The following ADH1B variants were observed in gnomAD, a reference collection of about 807,000 sequenced individuals.
ADH1B encodes the protein alcohol dehydrogenase 1B (class I), beta polypeptide, also known as all-trans-retinol dehydrogenase [NAD(+)] ADH1B.
Under a neutral mutation model 34.6 loss-of-function variants are expected in ADH1B, and 29 were observed. The ratio of observed to expected loss-of-function variants is 0.84; its 90% CI spans 0.62 to 1.14. The LOEUF (loss-of-function observed/expected upper bound fraction) is 1.14. Ranked by LOEUF, ADH1B falls within the 50% of genes most tolerant of loss-of-function variation. ADH1B has a pLI of 0.00. For synonymous variants in ADH1B, 170 were observed against 175.5 expected, an observed-to-expected ratio of 0.97 and a Z score of 0.25; for missense variants, 424 against 468.4, an observed-to-expected ratio of 0.91 and a Z score of 0.87.
chr4:99,309,353 G>T (rs1232274898), intron 8 of ADH1B, among the ~76,000 whole-genome samples: 1 of 152,038 alleles, frequency 6.6e-6, no homozygotes, highest in African/African-American at 2.4e-5. Context: ...ACATGAAAGT[G>T]CCCAACTCAC....
chr4:99,306,528 T>A lies in ADH1B; in HGVS notation c.*1312A>T, dbSNP rs1024390061. 1 of 152,200 alleles carries A rather than the reference T, an allele frequency of 6.6e-6. No homozygotes were observed. Among genetic ancestry groups the A allele is most frequent in the African/African-American group, 2.4e-5 (1 of 41,444 alleles). 9.4% of individuals were successfully genotyped at this position (152,200 alleles called of 1,614,324 possible). ...AAATGATAAACTATTTTACTTTATGTCTAAGGTCTTTCATAATATGAAATA... is the reference window on the plus strand; with the variant it reads ...AAATGATAAACTATTTTACTTTATGACTAAGGTCTTTCATAATATGAAATA... On this transcript the variant is annotated 3_prime_UTR_variant, in exon 9 of 9. Transcript: ENST00000305046.
chr4:99,310,728 A>G, intron 8 of ADH1B, 37 bp downstream of exon 8: 12 of 1,586,744 alleles, frequency 7.6e-6, no homozygotes, highest in Non-Finnish European at 1.0e-5. Context: ...CCTATGGTAG[A>G]AAAAAAAGCA....
rs1733605397 is a variant in ADH1B, at chr4:99,306,119, C to T, written c.*1721G>A. The T allele has an allele frequency of 1.3e-5, 2 of 152,272 alleles. No homozygotes were observed. The highest frequency in any genetic ancestry group is 1.3e-4 in the Admixed American group (2 of 15,286). The allele number at this position is 152,272 out of a possible 1,614,324, so 9.4% of individuals were successfully genotyped here. The stretch of plus-strand genomic sequence containing the variant: ...CTCCCAGGCTCCAGCGATTCTCTTG[C>T]CTCAGCCTCCTGAGTAGCTGGGATT... On this transcript the variant is annotated 3_prime_UTR_variant, in exon 9 of 9. Coordinates refer to ENST00000305046, the MANE Select transcript of ADH1B (RefSeq NM_000668.6).
At chr4:99,318,764 A>T (rs201450842) in intron 2 of ADH1B, 21 bp downstream of exon 2, 1 of 1,590,386 alleles carries the variant, frequency 6.3e-7, no homozygotes, top group Non-Finnish European at 8.6e-7. Context: ...AAAATGAAAT[A>T]TAAATGGAAA....
chr4:99,315,851 C>T (rs1733867317), intron 5 of ADH1B, 47 bp downstream of exon 5: 1 of 1,608,092 alleles, frequency 6.2e-7, no homozygotes, highest in East Asian at 2.2e-5. Context: ...CTTTTGGTTT[C>T]CGACAGTCTG....
At chr4:99,318,762 A>C in intron 2 of ADH1B, 23 bp downstream of exon 2, 2 of 1,588,584 alleles carry the variant, frequency 1.3e-6, no homozygotes, top group Non-Finnish European at 1.7e-6. Flanking sequence ...GTAAAATGAA[A>C]TATAAATGGA....
rs1403271083 is a variant in ADH1B at position 99,311,582 on chromosome 4, G to C, written c.903C>G (p.Asn301Lys). 6.2e-7 allele frequency: 1 copy of C among 1,613,946 alleles called. No homozygotes were observed. The highest frequency in any genetic ancestry group is 8.5e-7 in the Non-Finnish European group (1 of 1,179,982). ...GTAGCAGCATAGGGTTTATTGAGAGGTTCTGGGAAGCAGGAGGTACCCCTA... is the reference window on the plus strand; with the variant it reads ...GTAGCAGCATAGGGTTTATTGAGAGCTTCTGGGAAGCAGGAGGTACCCCTA... ...VIVGVPPASQ[N>K]LSINPMLLLT... The change falls in exon 7 of 9, where the codon AAC becomes AAG. Residue 301 changes from asparagine to lysine, a missense_variant. Asn to Lys is a moderately conservative substitution (Grantham distance 94). Coordinates refer to ENST00000305046, the MANE Select transcript of ADH1B (RefSeq NM_000668.6).
intron 7 of ADH1B, 45 bp downstream of exon 7, chr4:99,311,476 A>G (rs1733752492): frequency 6.3e-7 from 1 of 1,598,886 alleles, no homozygotes; most frequent in African/African-American, 1.3e-5. Context: ...TTAATGAGAT[A>G]TATTGAGATT....
At chr4:99,318,341 A>T (rs1733941173) in intron 2 of ADH1B, 157 bp from the exon 3 acceptor site, 2 of 958,598 alleles carry the variant, frequency 2.1e-6, no homozygotes, top group African/African-American at 3.3e-5. Context: ...TTTATCCCCA[A>T]GGTTATTCAG....
intron 4 of ADH1B, 41 bp from the exon 5 acceptor site, chr4:99,316,158 G>C: frequency 6.2e-7 from 1 of 1,614,088 alleles, no homozygotes; most frequent in Non-Finnish European, 8.5e-7. Context: ...GCATGAGACA[G>C]GAGCATAAGT....
chr4:99,318,605 T>C, intron 2 of ADH1B, 180 bp downstream of exon 2: 1 of 642,502 alleles, frequency 1.6e-6, no homozygotes, highest in Middle Eastern at 4.5e-4. Context: ...TATGTACTCT[T>C]TGATCATTTT....
intron 6 of ADH1B, among the ~76,000 whole-genome samples, chr4:99,312,605 G>A (rs1252123994): frequency 6.6e-6 from 1 of 152,170 alleles, no homozygotes; most frequent in Admixed American, 6.5e-5. Context: ...CATTGCAATT[G>A]ATATTTGTAA....
At position 99,305,592 on chromosome 4, in the gene ADH1B, T is replaced by TATATAC. The variant is rs1733592662; in HGVS notation, c.*2247_*2248insGTATAT. 5 of 103,570 alleles carry TATATAC rather than the reference T, an allele frequency of 4.8e-5. No individual in the cohort carries two copies. Among genetic ancestry groups the TATATAC allele is most frequent in the African/African-American group, 1.9e-4 (5 of 26,230 alleles). 6.4% of individuals were successfully genotyped at this position (103,570 alleles called of 1,614,324 possible). A position where few individuals can be genotyped will look rare whatever the true frequency, so the allele number is the denominator to read the frequency against. On this transcript the variant is annotated 3_prime_UTR_variant, in exon 9 of 9. Coordinates refer to ENST00000305046, the MANE Select transcript of ADH1B (RefSeq NM_000668.6). ...ATATATATATATATATATATATATA[T>TATATAC]ATATATATATATATATACAATCACT...
rs756380510 is a variant in ADH1B at position 99,316,322 on chromosome 4, G to A, written c.260-20C>T. On this transcript the variant is annotated intron_variant, in intron 3 of 8. Transcript: ENST00000305046. ...TATCACCTGGAGAGGAATAAAACAA[G>A]TTCTTCTTAAATTTCTATGCAGTAA... 7.5e-6 allele frequency: 12 copies of A among 1,605,884 alleles called. No homozygotes were observed. The highest frequency in any genetic ancestry group is 3.3e-4 in the Middle Eastern group (2 of 6,056).
At chr4:99,316,755 A>G (rs1027983504) in intron 3 of ADH1B, 1 of 152,338 alleles carries the variant, frequency 6.6e-6, no homozygotes, top group Non-Finnish European at 1.5e-5. Flanking sequence ...GATTTACAAT[A>G]AATATGAGAA....
chr4:99,309,665 G>A (rs769520625), intron 8 of ADH1B, among the ~76,000 whole-genome samples: 59 of 152,286 alleles, frequency 3.9e-4, no homozygotes, highest in Non-Finnish European at 7.5e-4. Context: ...GAGGGGCGGT[G>A]TGGTTTAATA....
chr4:99,316,086 C>T lies in ADH1B; in HGVS notation c.379G>A (p.Gly127Ser). 1.2e-6 allele frequency: 2 copies of T among 1,614,158 alleles called. No individual in the cohort carries two copies. The highest frequency in any genetic ancestry group is 2.2e-5 in the South Asian group (2 of 91,080). The change falls in exon 5 of 9, where the codon GGC becomes AGC. Residue 127 changes from glycine to serine, a missense_variant. Transcript: ENST00000305046. ...LGNPRGTLQDGTRRFTCRGKP... is the reference protein window; with the variant it reads ...LGNPRGTLQDSTRRFTCRGKP... ...CCCCTGCAGGTGAACCTCCTGGTGC[C>T]ATCCTGCAGGGTCCCCCGAGGATTG...
In ADH1B at chr4:99,318,116, A is replaced by G. The variant is rs745498370; in HGVS notation, c.189T>C (p.Pro63=). The G allele has an allele frequency of 6.2e-7, 1 of 1,613,920 alleles. No individual in the cohort carries two copies. Among genetic ancestry groups the G allele is most frequent in the Non-Finnish European group, 8.5e-7 (1 of 1,179,992 alleles). The part of the protein sequence containing the change: ...VVSGNLVTPL[P]VILGHEAAGI... ...CGGCTGCCTCATGGCCTAAAATCAC[A>G]GGAAGGGGGGTCACCAGGTTGCCAC... Residue 63 remains proline (P), a synonymous_variant, in exon 3 of 9, where the codon CCT becomes CCC. Coordinates refer to ENST00000305046, the MANE Select transcript of ADH1B (RefSeq NM_000668.6).
chr4:99,305,368 C>CA lies in ADH1B; in HGVS notation c.*2471dup, dbSNP rs1175842416. 6.7e-6 allele frequency: 1 copy of CA among 150,298 alleles called. No individual in the cohort carries two copies. The highest frequency in any genetic ancestry group is 1.5e-5 in the Non-Finnish European group (1 of 67,720). 9.3% of individuals were successfully genotyped at this position (150,298 alleles called of 1,614,324 possible). A position where few individuals can be genotyped will look rare whatever the true frequency, so the allele number is the denominator to read the frequency against. On this transcript the variant is annotated 3_prime_UTR_variant, in exon 9 of 9. Transcript: ENST00000305046. The stretch of plus-strand genomic sequence containing the variant: ...TCAAAGAATCAAAGCAATATATTCT[C>CA]ACAGCCATGCACATTTTCTCCCTGT...
Sources: gnomAD v4.1 joint callset for allele counts (sites outside exome capture counted in the v4.1 genomes callset) on GRCh38, gnomAD v4.1.1 for gene constraint, MANE v1.5 for transcripts, NCBI Gene and HGNC (gene_info 2026-07-23, HGNC 2026-07-21) for gene names.